LINGO2: variants seen among roughly 807,000 people sequenced by gnomAD.
LINGO2 encodes leucine-rich repeat and immunoglobulin-like domain-containing nogo receptor-interacting protein 2.
LINGO2 carries 14 observed loss-of-function variants against 30.6 expected under a neutral mutation model. The observed-to-expected ratio is 0.46, with a 90% confidence interval of 0.30 to 0.72. The LOEUF (loss-of-function observed/expected upper bound fraction) is 0.72, where lower values mean the gene tolerates loss of function less well. Ranked by LOEUF, LINGO2 falls within the 30% of genes least tolerant of loss-of-function variation. The pLI, the probability that LINGO2 is intolerant of heterozygous loss-of-function variation, is 0.07. For synonymous variants in LINGO2, 317 were observed against 288.5 expected, an observed-to-expected ratio of 1.10 and a Z score of -1.00; for missense variants, 729 against 751.7, an observed-to-expected ratio of 0.97 and a Z score of 0.35.
At chr9:29,035,623 A>G in the LINGO2 span, among the ~76,000 whole-genome samples, 2 of 150,610 alleles carry the variant, frequency 1.3e-5, no homozygotes, top group East Asian at 2.0e-4. Context: ...ACCAAGGTAC[A>G]TCGGAAGAAG....
the LINGO2 span, among the ~76,000 whole-genome samples, chr9:29,151,108 C>T: frequency 6.6e-6 from 1 of 151,596 alleles, no homozygotes; most frequent in South Asian, 2.1e-4. Context: ...GGCCTATTTA[C>T]AGCATTGTTA....
chr9:28,768,613 G>GAC, the LINGO2 span, among the ~76,000 whole-genome samples: 29,624 of 144,248 alleles, frequency 0.21, 3,016 homozygotes, highest in South Asian at 0.25. Flanking sequence ...GACAGACTGG[G>GAC]ACACACACAC....
intron 4 of LINGO2, among the ~76,000 whole-genome samples, chr9:28,268,513 TAG>T (rs1381148094): frequency 6.6e-6 from 1 of 152,110 alleles, no homozygotes; most frequent in Non-Finnish European, 1.5e-5. Context: ...GGTAGGAAAC[TAG>T]AGGTCTTACA....
At chr9:27,975,399 G>C (rs1310789978) in intron 5 of LINGO2, among the ~76,000 whole-genome samples, 1 of 152,000 alleles carries the variant, frequency 6.6e-6, no homozygotes, top group African/African-American at 2.4e-5. Context: ...GGGTAAATGG[G>C]GGGGCTGGGG....
the LINGO2 span, among the ~76,000 whole-genome samples, chr9:28,722,703 A>T: frequency 6.6e-6 from 1 of 152,092 alleles, no homozygotes; most frequent in African/African-American, 2.4e-5. Context: ...ACTGATATCA[A>T]CCCTCAGGAG....
chr9:28,275,370 G>A (rs946600694), intron 4 of LINGO2, among the ~76,000 whole-genome samples: 4 of 151,976 alleles, frequency 2.6e-5, no homozygotes, highest in Non-Finnish European at 4.4e-5. Context: ...ACCACACCCG[G>A]CCCTAAAGTC....
At chr9:28,676,759 G>C in the LINGO2 span, among the ~76,000 whole-genome samples, 2 of 152,078 alleles carry the variant, frequency 1.3e-5, no homozygotes, top group Middle Eastern at 3.4e-3. Flanking sequence ...CATTTTATTT[G>C]CTTTAATCTT....
intron 2 of LINGO2, among the ~76,000 whole-genome samples, chr9:28,472,155 T>C (rs1161155225): frequency 6.6e-6 from 1 of 152,266 alleles, no homozygotes; most frequent in South Asian, 2.1e-4. Flanking sequence ...ATTCTGATAA[T>C]TCATTTAGCT....
intron 4 of LINGO2, among the ~76,000 whole-genome samples, chr9:28,277,837 CAAAAA>C (rs765748438): frequency 3.7e-5 from 4 of 108,024 alleles, no homozygotes; most frequent in South Asian, 3.3e-4. Context: ...CAAAACAAAA[CAAAAA>C]AAAAAAACAA....
At chr9:28,699,042 A>AAAAACAAAACAAAACAAAAC in the LINGO2 span, among the ~76,000 whole-genome samples, 65 of 149,992 alleles carry the variant, frequency 4.3e-4, no homozygotes, top group African/African-American at 1.4e-3. Flanking sequence ...ACCCTGCCTC[A>AAAAACAAAACAAAACAAAAC]AAAACAAAAC....
intron 4 of LINGO2, among the ~76,000 whole-genome samples, chr9:28,024,797 G>A (rs962769659): frequency 2.0e-5 from 3 of 152,170 alleles, no homozygotes; most frequent in Admixed American, 6.5e-5. Context: ...CTTGTGCCAG[G>A]CAGCCAGCTT....
At chr9:28,671,704 C>T (rs13285400), upstream of LINGO2, among the ~76,000 whole-genome samples, 15,541 of 151,682 alleles carry the variant, frequency 0.1, 1,013 homozygotes, top group East Asian at 0.2. Flanking sequence ...CATCAGGTGA[C>T]GAAATAACCC....
rs117732481 is a variant in LINGO2 at position 28,054,231 on chromosome 9, A to G, written c.-86-41826T>C. Among the ~76,000 whole-genome samples, 27 of 152,202 alleles carry G rather than the reference A, an allele frequency of 1.8e-4. No individual in the cohort carries two copies. The East Asian group carries it at 4.8e-3, about 27-fold the overall frequency. On this transcript the variant is annotated intron_variant, in intron 4 of 5. Coordinates refer to ENST00000379992, the Ensembl canonical transcript of LINGO2. The stretch of plus-strand genomic sequence containing the variant: ...GAAATAGTGCCAGACAGAAAAATCC[A>G]AAGACCTGGGAGCCCTTCTCTCACC...
chr9:28,190,541 C>T (rs1369093523), intron 4 of LINGO2, among the ~76,000 whole-genome samples: 1 of 152,126 alleles, frequency 6.6e-6, no homozygotes, highest in Non-Finnish European at 1.5e-5. Context: ...AGAGTTCTCT[C>T]GTTTCTTCTG....
At chr9:29,140,543 T>C in the LINGO2 span, among the ~76,000 whole-genome samples, 2 of 151,498 alleles carry the variant, frequency 1.3e-5, no homozygotes, top group African/African-American at 4.9e-5. Context: ...TGAAAAATCA[T>C]CAACCATACA....
At chr9:28,383,975 A>G (rs1821463122) in intron 2 of LINGO2, among the ~76,000 whole-genome samples, 1 of 152,092 alleles carries the variant, frequency 6.6e-6, no homozygotes, top group African/African-American at 2.4e-5. Flanking sequence ...ATAAGGCTTG[A>G]GGGCAGGATT....
chr9:28,678,317 T>C, the LINGO2 span, among the ~76,000 whole-genome samples: 1,056 of 152,212 alleles, frequency 6.9e-3, 11 homozygotes, highest in Middle Eastern at 0.017. Flanking sequence ...CTGTTGGCAC[T>C]GTTAGAGCAA....
the LINGO2 span, among the ~76,000 whole-genome samples, chr9:28,681,111 T>C: frequency 6.6e-6 from 1 of 151,974 alleles, no homozygotes; most frequent in Admixed American, 6.6e-5. Flanking sequence ...TTAAGTTGAT[T>C]TTTGTATATA....
intron 5 of LINGO2, among the ~76,000 whole-genome samples, chr9:27,968,718 G>C (rs1251451558): frequency 6.6e-6 from 1 of 151,816 alleles, no homozygotes; most frequent in African/African-American, 2.4e-5. Context: ...TGTTCTGAAT[G>C]AATAATGTAT....
Sources: allele counts gnomAD v4.1 joint callset (sites outside exome capture counted in the v4.1 genomes callset), GRCh38; gene constraint gnomAD v4.1.1; transcripts MANE v1.5; gene names NCBI Gene and HGNC (gene_info 2026-07-23, HGNC 2026-07-21).